ROBO1: variants seen among roughly 807,000 people sequenced by gnomAD.
ROBO1 encodes the protein roundabout guidance receptor 1.
ROBO1 carries 149 observed loss-of-function variants against 195.9 expected under a neutral mutation model. That is an observed-to-expected ratio of 0.76 (90% CI 0.67 to 0.87). The LOEUF (loss-of-function observed/expected upper bound fraction) is 0.87. Among genes scored for constraint, ROBO1 ranks in the 40% least tolerant of loss-of-function variants. The pLI is 0.00. For synonymous variants in ROBO1, 816 were observed against 733.2 expected, an observed-to-expected ratio of 1.11 and a Z score of -1.82; for missense variants, 1,933 against 2,068.3, an observed-to-expected ratio of 0.93 and a Z score of 1.27.
intron 26 of ROBO1, among the ~76,000 whole-genome samples, chr3:78,625,006 A>G (rs541345906): frequency 6.6e-6 from 1 of 152,288 alleles, no homozygotes; most frequent in African/African-American, 2.4e-5. Context: ...ATAAAGGGAA[A>G]AGGATTGTGA....
chr3:78,954,778 T>A (rs182498839), intron 3 of ROBO1, among the ~76,000 whole-genome samples: 2 of 152,150 alleles, frequency 1.3e-5, no homozygotes, highest in Admixed American at 1.3e-4. Flanking sequence ...GAGCCAACTA[T>A]AACCTCAATA....
chr3:79,743,601 T>C (rs1258630321), intron 1 of ROBO1, among the ~76,000 whole-genome samples: 1 of 152,244 alleles, frequency 6.6e-6, no homozygotes, highest in Non-Finnish European at 1.5e-5. Context: ...CTTTTTTCTT[T>C]GTAAACTTTT....
intron 2 of ROBO1, among the ~76,000 whole-genome samples, chr3:79,527,051 T>A (rs150103637): frequency 9.5e-4 from 145 of 152,250 alleles, no homozygotes; most frequent in African/African-American, 3.3e-3. Flanking sequence ...TGACAATTAT[T>A]TGAATAAATG....
chr3:79,021,809 C>T (rs1012495268), intron 3 of ROBO1, among the ~76,000 whole-genome samples: 3 of 152,002 alleles, frequency 2.0e-5, no homozygotes, highest in Non-Finnish European at 4.4e-5. Flanking sequence ...TACAGGCGCC[C>T]GCCACCACTC....
chr3:79,701,227 C>G (rs1432050584), intron 1 of ROBO1, among the ~76,000 whole-genome samples: 3 of 151,562 alleles, frequency 2.0e-5, no homozygotes, highest in Admixed American at 6.6e-5. Flanking sequence ...GTTACTGTGG[C>G]CTTATAGTGT....
At chr3:78,739,362 A>G (rs1313313567) in intron 5 of ROBO1, among the ~76,000 whole-genome samples, 2 of 152,162 alleles carry the variant, frequency 1.3e-5, no homozygotes, top group Non-Finnish European at 2.9e-5. Flanking sequence ...CATTTGTTAT[A>G]TAATATCTCA....
chr3:79,666,416 C>A (rs938393159), intron 1 of ROBO1, among the ~76,000 whole-genome samples: 8 of 151,728 alleles, frequency 5.3e-5, no homozygotes, highest in African/African-American at 1.7e-4. Context: ...TTTATCTTTT[C>A]ATTCTGTGTT....
intron 2 of ROBO1, among the ~76,000 whole-genome samples, chr3:79,293,046 A>G (rs1413603423): frequency 6.6e-6 from 1 of 152,132 alleles, no homozygotes; most frequent in Non-Finnish European, 1.5e-5. Context: ...TACAACCTGA[A>G]TTTCAGACCT....
chr3:78,885,412 T>TAAAAA lies in ROBO1; in HGVS notation c.499+53184_499+53188dup, dbSNP rs59912706. Among the ~76,000 whole-genome samples the TAAAAA allele has an allele frequency of 3.2e-3, 170 of 53,718 alleles. 2 individuals are homozygous for TAAAAA. Among genetic ancestry groups the TAAAAA allele is most frequent in the Middle Eastern group, 0.028 (1 of 36 alleles). The allele number at this position is 53,718 out of a possible 152,430, so 35.2% of individuals were successfully genotyped here. A position where few individuals can be genotyped will look rare whatever the true frequency, so the allele number is the denominator to read the frequency against. On this transcript the variant is annotated intron_variant, in intron 4 of 30. Transcript: ENST00000464233. ...GCACTTGTAACCCTGAATTTAAAAC[T>TAAAAA]AAAAAAAAAAAAAAAAAAAAAAAAA...
intron 2 of ROBO1, among the ~76,000 whole-genome samples, chr3:79,541,860 AAGAG>A (rs564497749): frequency 4.3e-4 from 64 of 149,450 alleles, no homozygotes; most frequent in African/African-American, 8.8e-4. Flanking sequence ...GAGAGAGAGA[AAGAG>A]AGAGAGAGGT....
intron 2 of ROBO1, among the ~76,000 whole-genome samples, chr3:79,147,989 T>C (rs1038679742): frequency 2.0e-5 from 3 of 151,910 alleles, no homozygotes; most frequent in Non-Finnish European, 4.4e-5. Flanking sequence ...AAAAAGAACA[T>C]TGAAACTTTG....
At chr3:79,501,276 T>C (rs1221030977) in intron 2 of ROBO1, among the ~76,000 whole-genome samples, 1 of 152,210 alleles carries the variant, frequency 6.6e-6, no homozygotes, top group African/African-American at 2.4e-5. Context: ...ACCTCTGCCC[T>C]ACAGAATTTT....
rs1033201658 is a variant in ROBO1, at chr3:79,434,261, T to C, written c.88+155563A>G. 9.9e-5 allele frequency among the ~76,000 whole-genome samples: 15 copies of C among 152,104 alleles called. No individual in the cohort carries two copies. In the East Asian group the frequency reaches 1.2e-3, roughly 12 times the overall value. On this transcript the variant is annotated intron_variant, in intron 2 of 30. Transcript: ENST00000464233. Reference sequence around the variant, plus strand: ...AGCTTCTGCACAGCAAAAGAAACTATCATCAGAATGAACAGGCAACCTACA... The same window carrying C: ...AGCTTCTGCACAGCAAAAGAAACTACCATCAGAATGAACAGGCAACCTACA...
At chr3:79,173,398 G>T (rs1368666268) in intron 2 of ROBO1, among the ~76,000 whole-genome samples, 4 of 152,118 alleles carry the variant, frequency 2.6e-5, no homozygotes, top group Admixed American at 6.5e-5. Flanking sequence ...GCGAGTTCCA[G>T]GTGGGTGTGG....
At chr3:79,346,586 T>C (rs912435131) in intron 2 of ROBO1, among the ~76,000 whole-genome samples, 2 of 152,116 alleles carry the variant, frequency 1.3e-5, no homozygotes, top group African/African-American at 4.8e-5. Context: ...TAAGTGAATA[T>C]TTCTAGGAAT....
chr3:79,559,238 G>A (rs1438325382), intron 2 of ROBO1, among the ~76,000 whole-genome samples: 1 of 152,180 alleles, frequency 6.6e-6, no homozygotes, highest in Non-Finnish European at 1.5e-5. Flanking sequence ...CTGCACAGTA[G>A]AGCTCTCTGA....
intron 1 of ROBO1, among the ~76,000 whole-genome samples, chr3:79,703,895 A>G (rs1947692568): frequency 6.6e-6 from 1 of 151,980 alleles, no homozygotes; most frequent in African/African-American, 2.4e-5. Flanking sequence ...TTCCAAAGAG[A>G]GTCTTTGATG....
Position 78,853,122 on chromosome 3 carries a change from T to C in ROBO1, c.499+85479A>G, listed in dbSNP as rs140245780. Among the ~76,000 whole-genome samples, 7 of 152,222 alleles carry C rather than the reference T, an allele frequency of 4.6e-5. No homozygotes were observed. In the East Asian group the frequency reaches 5.8e-4, roughly 13 times the overall value. Reference sequence around the variant, plus strand: ...AATGATAGTAAACATTTGGCACTTATCAGTCTGTAGCTTAGAAGACAGTTC... The same window carrying C: ...AATGATAGTAAACATTTGGCACTTACCAGTCTGTAGCTTAGAAGACAGTTC... On this transcript the variant is annotated intron_variant, in intron 4 of 30. Coordinates refer to ENST00000464233, the MANE Select transcript of ROBO1 (RefSeq NM_002941.4).
chr3:79,669,666 G>A (rs917576393), intron 1 of ROBO1, among the ~76,000 whole-genome samples: 2 of 151,760 alleles, frequency 1.3e-5, no homozygotes, highest in Admixed American at 1.3e-4. Context: ...ACATTTCTCA[G>A]AATATATCTC....
Sources: allele counts gnomAD v4.1 joint callset (sites outside exome capture counted in the v4.1 genomes callset), GRCh38; gene constraint gnomAD v4.1.1; transcripts MANE v1.5; gene names NCBI Gene and HGNC (gene_info 2026-07-23, HGNC 2026-07-21).